Variants in CHTF18 observed in about 807,000 individuals in gnomAD.
CHTF18 encodes the protein chromosome transmission fidelity protein 18 homolog.
Under a neutral mutation model 113.4 loss-of-function variants are expected in CHTF18, and 151 were observed. That is an observed-to-expected ratio of 1.33 (90% CI 1.17 to 1.52). The LOEUF (loss-of-function observed/expected upper bound fraction) is 1.52. Among genes scored for constraint, CHTF18 ranks in the 40% most tolerant of loss-of-function variants. The pLI, the probability that CHTF18 is intolerant of heterozygous loss-of-function variation, is 0.00. For synonymous variants in CHTF18, 916 were observed against 598.8 expected (o/e 1.53, Z -7.74); for missense variants, 1,982 against 1,381.6 (o/e 1.43, Z -6.89).
chr16:795,922 C>T (rs541713845), intron 17 of CHTF18, 25 bp from the exon 18 acceptor site: 46 of 1,602,742 alleles, frequency 2.9e-5, no homozygotes, highest in Non-Finnish European at 3.6e-5. Context: ...GCTCAGCTCC[C>T]TGTCTGCTGC....
At chr16:797,192 G>A in intron 20 of CHTF18, 100 bp downstream of exon 20, 1 of 1,373,462 alleles carries the variant, frequency 7.3e-7, no homozygotes, top group South Asian at 1.7e-5. Context: ...ATGGGGTGGG[G>A]CCAGGGTACC....
chr16:789,844 A>C, intron 4 of CHTF18, 129 bp downstream of exon 4: 1 of 1,322,134 alleles, frequency 7.6e-7, no homozygotes, highest in Non-Finnish European at 1.0e-6. Context: ...GCAGAGGGGG[A>C]GGCTGCGTCA....
At position 792,470 on chromosome 16, in the gene CHTF18, A is replaced by G. The variant is rs775568051; in HGVS notation, c.1358A>G (p.Asn453Ser). ...ATCAACGTCCTCCTGAGCATCCTGA[A>G]CCGCAAGGGGCCACAGGAGGTGGGG... is the stretch of plus-strand genomic sequence containing the variant. Reference protein sequence around the residue: ...AAINVLLSILNRKGPQEVGPQ... With the variant: ...AAINVLLSILSRKGPQEVGPQ... The change falls in exon 11 of 22, where the codon AAC becomes AGC. Residue 453 changes from asparagine to serine, a missense_variant. Coordinates refer to ENST00000262315, the MANE Select transcript of CHTF18 (RefSeq NM_022092.3). 2 of 1,579,304 alleles carry G rather than the reference A, an allele frequency of 1.3e-6. No homozygotes were observed. The highest frequency in any genetic ancestry group is 1.7e-6 in the Non-Finnish European group (2 of 1,162,918).
At chr16:791,134 G>T in intron 7 of CHTF18, 27 bp from the exon 8 acceptor site, 1 of 1,593,814 alleles carries the variant, frequency 6.3e-7, no homozygotes, top group South Asian at 1.1e-5. Context: ...CCCTCAGGCT[G>T]TGCTTCCCTT....
chr16:797,659 G>A, intron 20 of CHTF18, 35 bp from the exon 21 acceptor site: 1 of 1,609,668 alleles, frequency 6.2e-7, no homozygotes, highest in Non-Finnish European at 8.5e-7. Context: ...TGGGGCATCT[G>A]TCCTATACGA....
chr16:796,280 T>C (rs1228941128), intron 18 of CHTF18, among the ~76,000 whole-genome samples: 2 of 152,232 alleles, frequency 1.3e-5, no homozygotes, highest in Non-Finnish European at 2.9e-5. Flanking sequence ...ACCTGAGTTT[T>C]GCTGCAGAGC....
intron 20 of CHTF18, among the ~76,000 whole-genome samples, chr16:797,357 C>T (rs2042380935): frequency 1.3e-5 from 2 of 151,950 alleles, no homozygotes; most frequent in Non-Finnish European, 2.9e-5. Context: ...TGGGGCTGAG[C>T]CACAGGAGGA....
Position 788,626 on chromosome 16 carries a change from T to C in CHTF18, c.-59T>C, listed in dbSNP as rs767058760. 12 of 1,362,310 alleles carry C rather than the reference T, an allele frequency of 8.8e-6. No homozygotes were observed. In the East Asian group the frequency reaches 2.2e-4, roughly 25 times the overall value. 84.4% of individuals were successfully genotyped at this position (1,362,310 alleles called of 1,614,324 possible). Reference sequence around the variant, plus strand: ...CGCCCGGCACGCTCGGGGCGGGCAGTGCGCGACGGCGGCGGCGGCGCGGGA... The same window carrying C: ...CGCCCGGCACGCTCGGGGCGGGCAGCGCGCGACGGCGGCGGCGGCGCGGGA... On this transcript the variant is annotated 5_prime_UTR_variant, in exon 1 of 22. Transcript: ENST00000262315.
rs765747379 is a variant in CHTF18 at position 796,877 on chromosome 16, C to T, written c.2601+16C>T. The T allele has an allele frequency of 3.8e-6, 6 of 1,578,496 alleles. No homozygotes were observed. Among genetic ancestry groups the T allele is most frequent in the East Asian group, 4.5e-5 (2 of 44,032 alleles). ...CAGCCCCCAGGTGAGCCCACCCAGGCTCTGGAGCAGGTTGCAGTCTGGGCG... is the reference window on the plus strand; with the variant it reads ...CAGCCCCCAGGTGAGCCCACCCAGGTTCTGGAGCAGGTTGCAGTCTGGGCG... On this transcript the variant is annotated intron_variant, in intron 19 of 21. Coordinates refer to ENST00000262315, the MANE Select transcript of CHTF18 (RefSeq NM_022092.3).
intron 7 of CHTF18, chr16:790,877 G>T (rs908293088): frequency 3.5e-6 from 5 of 1,432,350 alleles, no homozygotes; most frequent in Non-Finnish European, 4.6e-6. Context: ...GGGGTCCAGG[G>T]TGTCACCTGA....
chr16:798,073 A>T lies in CHTF18; in HGVS notation c.*98A>T. The T allele has an allele frequency of 6.8e-7, 1 of 1,468,630 alleles. No individual in the cohort carries two copies. Among genetic ancestry groups the T allele is most frequent in the Non-Finnish European group, 9.2e-7 (1 of 1,092,556 alleles). 91.0% of individuals were successfully genotyped at this position (1,468,630 alleles called of 1,614,324 possible). A position where few individuals can be genotyped will look rare whatever the true frequency, so the allele number is the denominator to read the frequency against. On this transcript the variant is annotated 3_prime_UTR_variant, in exon 22 of 22. Coordinates refer to ENST00000262315, the MANE Select transcript of CHTF18 (RefSeq NM_022092.3). ...ATAAAGTCACACCTTTACAGACTGT[A>T]ATCACGTGCGAGTGGAGTGGGGTTC...
chr16:788,764 C>T lies in CHTF18; in HGVS notation c.80C>T (p.Ala27Val), dbSNP rs772075552. 3.6e-5 allele frequency: 57 copies of T among 1,597,836 alleles called. No homozygotes were observed. Among genetic ancestry groups the T allele is most frequent in the Non-Finnish European group, 4.4e-5 (52 of 1,173,556 alleles). Residue 27 changes from alanine to valine, a missense_variant, in exon 1 of 22, where the codon GCA (alanine) becomes GTA (valine). Transcript: ENST00000262315. ...TTCGCGGCCGAGCTGGAGGTGCTGG[C>T]AGAGCTGGAAGGTGGGGCGCGGCCC... ...NQFAAELEVL[A>V]ELEGASTPSP...
chr16:790,611 G>T lies in CHTF18; in HGVS notation c.839G>T (p.Cys280Phe), dbSNP rs774491917. 1 of 1,594,412 alleles carries T rather than the reference G, an allele frequency of 6.3e-7. No individual in the cohort carries two copies. Among genetic ancestry groups the T allele is most frequent in the South Asian group, 1.1e-5 (1 of 87,826 alleles). ...GACGGTCAAGACGCCTCCAGTCACT[G>T]CCTCTGGGTGGATGAGTTTGCACCC... is the stretch of plus-strand genomic sequence containing the variant. ...PTDGQDASSH[C>F]LWVDEFAPRH... Residue 280 changes from cysteine (C) to phenylalanine (F), a missense_variant, in exon 7 of 22, where the codon TGC (cysteine) becomes TTC (phenylalanine). Transcript: ENST00000262315.
rs1311172434 is a variant in CHTF18 at position 789,558 on chromosome 16, C to T, written c.449C>T (p.Ala150Val). The change falls in exon 4 of 22, where the codon GCT becomes GTT. Residue 150 changes from alanine (A) to valine (V), a missense_variant. Transcript: ENST00000262315. ...CGGTCTCTCTCCAGAGTCTCAGAAG[C>T]TGCTGCCGACGTGGGTCTCACACGG... is the stretch of plus-strand genomic sequence containing the variant. ...AELWGHGVSE[A>V]AADVGLTRAS... 1 of 1,601,068 alleles carries T rather than the reference C, an allele frequency of 6.2e-7. No individual in the cohort carries two copies. Among genetic ancestry groups the T allele is most frequent in the Admixed American group, 1.7e-5 (1 of 58,898 alleles).
At chr16:792,908 G>A (rs1427877679) in intron 12 of CHTF18, 58 bp from the exon 13 acceptor site, 6 of 1,536,626 alleles carry the variant, frequency 3.9e-6, no homozygotes, top group Non-Finnish European at 4.4e-6. Flanking sequence ...TGGAACCCTG[G>A]TAACCCCTGA....
Position 795,735 on chromosome 16 carries a change from C to T in CHTF18, c.2226C>T (p.Ser742=), listed in dbSNP as rs147259544. 38 of 1,607,576 alleles carry T rather than the reference C, an allele frequency of 2.4e-5. No individual in the cohort carries two copies. Among genetic ancestry groups the T allele is most frequent in the African/African-American group, 4.1e-5 (3 of 73,494 alleles). ...GGAACCTGATCCAGACGCTGGTGTCCGGCATCGCGCCAGCCACGCGCAGCC... is the reference window on the plus strand; with the variant it reads ...GGAACCTGATCCAGACGCTGGTGTCTGGCATCGCGCCAGCCACGCGCAGCC... The part of the protein sequence containing the change: ...QMRNLIQTLV[S]GIAPATRSRA... Residue 742 remains serine (S), a synonymous_variant, in exon 17 of 22, where the codon TCC becomes TCT. Transcript: ENST00000262315.
At chr16:790,814 A>G in intron 7 of CHTF18, 148 bp downstream of exon 7, 3 of 1,434,748 alleles carry the variant, frequency 2.1e-6, no homozygotes, top group Non-Finnish European at 2.7e-6. Flanking sequence ...TAGGTGGTGA[A>G]CTGAGCACAG....
intron 7 of CHTF18, 27 bp downstream of exon 7, chr16:790,693 G>A: frequency 6.6e-7 from 1 of 1,508,428 alleles, no homozygotes; most frequent in South Asian, 1.3e-5. Context: ...ACTCAAGTGT[G>A]GCTGGCTTCC....
chr16:793,354 C>T, intron 14 of CHTF18, 80 bp downstream of exon 14: 2 of 1,521,366 alleles, frequency 1.3e-6, no homozygotes. Flanking sequence ...CAGGCCAGCA[C>T]TACCTTCGAG....
Sources: allele counts gnomAD v4.1 joint callset (sites outside exome capture counted in the v4.1 genomes callset), GRCh38; gene constraint gnomAD v4.1.1; transcripts MANE v1.5; gene names NCBI Gene and HGNC (gene_info 2026-07-23, HGNC 2026-07-21).